Variants in SAMD12 observed in about 807,000 individuals in gnomAD.
SAMD12 encodes sterile alpha motif domain containing 12.
SAMD12 carries 9 observed loss-of-function variants against 15.0 expected under a neutral mutation model. The ratio of observed to expected loss-of-function variants is 0.60; its 90% CI spans 0.36 to 1.05. The LOEUF (loss-of-function observed/expected upper bound fraction) is 1.05. Ranked by LOEUF, SAMD12 falls within the 50% of genes least tolerant of loss-of-function variation. The probability of loss-of-function intolerance (pLI) is 0.01; values close to 1 mark genes in which losing one functional copy is unlikely to be tolerated. For missense variants in SAMD12, 230 were observed against 234.2 expected, an observed-to-expected ratio of 0.98 and a Z score of 0.12; for synonymous variants, 86 against 90.1, an observed-to-expected ratio of 0.96 and a Z score of 0.25.
intron 2 of SAMD12, among the ~76,000 whole-genome samples, chr8:118,575,866 T>C (rs1827133879): frequency 6.6e-6 from 1 of 152,156 alleles, no homozygotes; most frequent in Non-Finnish European, 1.5e-5. Flanking sequence ...AATTCCAAGA[T>C]AGGAAACAGA....
chr8:118,175,453 A>C, the SAMD12 span, among the ~76,000 whole-genome samples: 1 of 152,186 alleles, frequency 6.6e-6, no homozygotes, highest in Non-Finnish European at 1.5e-5. Context: ...CATGACAAAG[A>C]CTCCAAAAGC....
chr8:118,183,293 G>A, the SAMD12 span, among the ~76,000 whole-genome samples: 1 of 152,176 alleles, frequency 6.6e-6, no homozygotes, highest in Non-Finnish European at 1.5e-5. Flanking sequence ...TTCACCAACT[G>A]AATTCTGTGC....
At chr8:118,489,912 TG>T (rs547884755) in intron 2 of SAMD12, among the ~76,000 whole-genome samples, 109 of 151,984 alleles carry the variant, frequency 7.2e-4, no homozygotes, top group Non-Finnish European at 1.1e-3. Flanking sequence ...GACTCTGGAG[TG>T]GGGGGTATAA....
intron 2 of SAMD12, among the ~76,000 whole-genome samples, chr8:118,574,523 T>C (rs969141189): frequency 6.6e-6 from 1 of 152,244 alleles, no homozygotes; most frequent in Non-Finnish European, 1.5e-5. Context: ...AATTAGATGG[T>C]CAAATGCTCT....
At chr8:118,345,132 T>C (rs1163832742) in intron 4 of SAMD12, among the ~76,000 whole-genome samples, 1 of 152,192 alleles carries the variant, frequency 6.6e-6, no homozygotes, top group Non-Finnish European at 1.5e-5. Flanking sequence ...TTATCCTGCA[T>C]TTATACTCTA....
At chr8:118,575,278 A>T (rs1178036021) in intron 2 of SAMD12, among the ~76,000 whole-genome samples, 3 of 152,208 alleles carry the variant, frequency 2.0e-5, no homozygotes, top group Non-Finnish European at 4.4e-5. Context: ...CCCAAAGCCA[A>T]CTGCAAGCAA....
chr8:118,499,338 C>T (rs979255294), intron 2 of SAMD12, among the ~76,000 whole-genome samples: 2 of 152,132 alleles, frequency 1.3e-5, no homozygotes, highest in African/African-American at 4.8e-5. Context: ...AGAGAAGGAG[C>T]AAATATTGTT....
chr8:118,579,019 C>T (rs552712945), intron 2 of SAMD12, among the ~76,000 whole-genome samples: 2 of 152,246 alleles, frequency 1.3e-5, no homozygotes, highest in African/African-American at 4.8e-5. Flanking sequence ...CTATAAAATG[C>T]TTCAGAGGCA....
At chr8:118,445,755 A>T (rs16891049) in intron 2 of SAMD12, among the ~76,000 whole-genome samples, 29,475 of 152,106 alleles carry the variant, frequency 0.19, 4,032 homozygotes, top group African/African-American at 0.39. Flanking sequence ...CTTACTTTTC[A>T]AATTTTGATG....
intron 4 of SAMD12, among the ~76,000 whole-genome samples, chr8:118,331,353 C>T (rs1051219537): frequency 6.6e-6 from 1 of 152,074 alleles, no homozygotes; most frequent in Non-Finnish European, 1.5e-5. Context: ...AAAAATATCT[C>T]CAGTTTAAAA....
intron 2 of SAMD12, among the ~76,000 whole-genome samples, chr8:118,518,376 A>C (rs925038619): frequency 1.3e-5 from 2 of 152,340 alleles, no homozygotes; most frequent in Middle Eastern, 3.4e-3. Context: ...CAAAGGCGAT[A>C]TCCCTTCACA....
At chr8:118,528,638 T>G (rs2131110793) in intron 2 of SAMD12, among the ~76,000 whole-genome samples, 1 of 152,362 alleles carries the variant, frequency 6.6e-6, no homozygotes, top group South Asian at 2.1e-4. Flanking sequence ...CTAAGAGATT[T>G]GGCCAATGCC....
chr8:118,512,561 C>G (rs1392341627), intron 2 of SAMD12, among the ~76,000 whole-genome samples: 1 of 152,150 alleles, frequency 6.6e-6, no homozygotes, highest in Admixed American at 6.5e-5. Flanking sequence ...TAAAATCAGA[C>G]TGTTGTTAGA....
chr8:118,251,894 G>A (rs918752515), intron 4 of SAMD12, among the ~76,000 whole-genome samples: 5 of 151,398 alleles, frequency 3.3e-5, no homozygotes, highest in African/African-American at 4.9e-5. Context: ...AGTCTTCCTC[G>A]GGGAAACAAA....
chr8:118,180,925 G>T, the SAMD12 span, among the ~76,000 whole-genome samples: 1 of 152,142 alleles, frequency 6.6e-6, no homozygotes, highest in Non-Finnish European at 1.5e-5. Context: ...TAGAGCCTCC[G>T]CTGTCAGCCT....
exon 5 of SAMD12, chr8:118,191,976 A>G (rs1563686864): frequency 1.3e-5 from 2 of 151,116 alleles, no homozygotes; most frequent in Admixed American, 6.6e-5. Flanking sequence ...AGATAATTTC[A>G]TGGCATTTTT....
intron 1 of SAMD12, among the ~76,000 whole-genome samples, chr8:118,618,097 C>T (rs1828290098): frequency 6.6e-6 from 1 of 151,690 alleles, no homozygotes; most frequent in South Asian, 2.1e-4. Flanking sequence ...ACCATAAGGT[C>T]GTACCCTGTT....
At chr8:118,395,073 G>T (rs2130768120) in intron 3 of SAMD12, 1 of 152,160 alleles carries the variant, frequency 6.6e-6, no homozygotes, top group Non-Finnish European at 1.5e-5. Flanking sequence ...TATTTATGAA[G>T]ATTAAATTAA....
At chr8:118,621,690 C>A in intron 1 of SAMD12, 114 bp downstream of exon 1, 2 of 1,235,332 alleles carry the variant, frequency 1.6e-6, no homozygotes, top group Non-Finnish European at 2.4e-6. Flanking sequence ...AAGGGGCCCG[C>A]TCTCCGCCAC....
Sources: gnomAD v4.1 joint callset for allele counts (sites outside exome capture counted in the v4.1 genomes callset) on GRCh38, gnomAD v4.1.1 for gene constraint, MANE v1.5 for transcripts, NCBI Gene and HGNC (gene_info 2026-07-23, HGNC 2026-07-21) for gene names.